The following ERG variants were observed in gnomAD, a reference collection of about 807,000 sequenced individuals.
ERG encodes the protein ETS transcription factor ERG, also known as transcriptional regulator ERG.
ERG carries 9 observed loss-of-function variants against 55.3 expected under a neutral mutation model. That is an observed-to-expected ratio of 0.16 (90% CI 0.10 to 0.28). ERG has a LOEUF of 0.28. ERG is among the 10% of genes least tolerant of loss of function. ERG has a pLI of 1.00. For synonymous variants in ERG, 223 were observed against 237.3 expected, an observed-to-expected ratio of 0.94 and a Z score of 0.55; for missense variants, 434 against 631.6, an observed-to-expected ratio of 0.69 and a Z score of 3.35.
intron 2 of ERG, among the ~76,000 whole-genome samples, chr21:38,521,253 C>G (rs1639043992): frequency 6.6e-6 from 1 of 152,172 alleles, no homozygotes; most frequent in Admixed American, 6.6e-5. Flanking sequence ...AGTGCGGCTA[C>G]TACACACGGA....
At chr21:38,451,511 G>A (rs1271857774) in intron 1 of ERG, among the ~76,000 whole-genome samples, 1 of 152,172 alleles carries the variant, frequency 6.6e-6, no homozygotes, top group African/African-American at 2.4e-5. Flanking sequence ...ATATGCTGGA[G>A]CCTATGCCAC....
intron 1 of ERG, among the ~76,000 whole-genome samples, chr21:38,472,430 G>A (rs978427657): frequency 5.9e-5 from 9 of 152,030 alleles, no homozygotes; most frequent in African/African-American, 2.2e-4. Flanking sequence ...CATAGTATAC[G>A]GGACATATTT....
At chr21:38,543,493 A>G (rs960771356) in intron 2 of ERG, among the ~76,000 whole-genome samples, 1 of 152,116 alleles carries the variant, frequency 6.6e-6, no homozygotes, top group African/African-American at 2.4e-5. Flanking sequence ...CAATGGGCAT[A>G]TATGACTTTT....
At chr21:38,513,077 G>A (rs1268922843) in intron 2 of ERG, among the ~76,000 whole-genome samples, 2 of 151,646 alleles carry the variant, frequency 1.3e-5, no homozygotes, top group Non-Finnish European at 2.9e-5. Flanking sequence ...GGTGCCGTGA[G>A]CCAAGATCAT....
rs910771516 is a variant in ERG, at chr21:38,493,572, T to C, written c.18+4791A>G. The stretch of plus-strand genomic sequence containing the variant: ...AAAGAACAAGATGTATTTTTTGTAA[T>C]TCAGGAGTAAAGAGGAGAGTGGGGT... On this transcript the variant is annotated intron_variant, in intron 1 of 9. Coordinates refer to ENST00000288319, the MANE Select transcript of ERG (RefSeq NM_182918.4). 3.3e-5 allele frequency among the ~76,000 whole-genome samples: 5 copies of C among 152,230 alleles called. No individual in the cohort carries two copies. The East Asian group carries it at 7.7e-4, about 23-fold the overall frequency.
At chr21:38,653,093 T>C (rs1490868042) in intron 1 of ERG, among the ~76,000 whole-genome samples, 2 of 152,324 alleles carry the variant, frequency 1.3e-5, no homozygotes, top group East Asian at 3.9e-4. Flanking sequence ...CCCTCCTTTC[T>C]AGACTCTGTG....
At chr21:38,581,224 G>A (rs986683415) in intron 1 of ERG, among the ~76,000 whole-genome samples, 2 of 152,224 alleles carry the variant, frequency 1.3e-5, no homozygotes, top group Non-Finnish European at 2.9e-5. Flanking sequence ...AGGACGCTGG[G>A]CTGGGGGCAG....
intron 2 of ERG, among the ~76,000 whole-genome samples, chr21:38,525,378 T>A (rs924639300): frequency 6.6e-6 from 1 of 152,208 alleles, no homozygotes; most frequent in Admixed American, 6.5e-5. Context: ...TAACAGACGA[T>A]GCCTTCCACA....
At chr21:38,392,580 C>A (rs1988025914) in intron 6 of ERG, 136 bp from the exon 7 acceptor site, 3 of 592,478 alleles carry the variant, frequency 5.1e-6, no homozygotes, top group South Asian at 2.7e-5. Context: ...AAATATCCCA[C>A]TAGATTTGAG....
rs571657361 is a variant in ERG, at chr21:38,591,719, C to CA, written c.-149-6775dup. Among the ~76,000 whole-genome samples, 217 of 152,030 alleles carry CA rather than the reference C, an allele frequency of 1.4e-3. 2 individuals carry two copies. The South Asian group carries it at 0.027, about 19-fold the overall frequency. ...AAACCAACCAACAAACAAACAAAACCAAAAAAACAATGAAAACAAAAATGA... is the reference window on the plus strand; with the variant it reads ...AAACCAACCAACAAACAAACAAAACCAAAAAAAACAATGAAAACAAAAATGA... On this transcript the variant is annotated intron_variant, in intron 1 of 10. Transcript: ENST00000398910.
intron 1 of ERG, among the ~76,000 whole-genome samples, chr21:38,615,087 GA>G (rs2060250677): frequency 6.6e-6 from 1 of 152,192 alleles, no homozygotes; most frequent in South Asian, 2.1e-4. Context: ...ATCTTATTAT[GA>G]AAAGGCCAGT....
At chr21:38,547,521 A>G (rs1601223719) in intron 2 of ERG, among the ~76,000 whole-genome samples, 2 of 152,178 alleles carry the variant, frequency 1.3e-5, no homozygotes, top group African/African-American at 4.8e-5. Flanking sequence ...TAAAGCAAGG[A>G]AAGGAAAAGA....
chr21:38,606,722 AT>A (rs1263032221), intron 1 of ERG, among the ~76,000 whole-genome samples: 1 of 152,200 alleles, frequency 6.6e-6, no homozygotes, highest in Non-Finnish European at 1.5e-5. Context: ...AGAAATAAAA[AT>A]TTAATAGACT....
intron 6 of ERG, among the ~76,000 whole-genome samples, chr21:38,399,419 C>T (rs960704019): frequency 6.6e-6 from 1 of 152,184 alleles, no homozygotes; most frequent in Non-Finnish European, 1.5e-5. Context: ...AGATCTTGAA[C>T]CAGTTCGAAC....
At chr21:38,635,643 T>C (rs1369615434) in intron 1 of ERG, among the ~76,000 whole-genome samples, 2 of 152,222 alleles carry the variant, frequency 1.3e-5, no homozygotes, top group East Asian at 3.8e-4. Flanking sequence ...GTGATATTTT[T>C]AAAGCACAAT....
At position 38,554,927 on chromosome 21, in the gene ERG, C is replaced by A. The variant is rs571498654; in HGVS notation, c.-41+20735G>T. Among the ~76,000 whole-genome samples the A allele has an allele frequency of 4.6e-4, 69 of 150,820 alleles. 1 individual carries two copies. In the South Asian group the frequency reaches 0.015, roughly 32 times the overall value. On this transcript the variant is annotated intron_variant, in intron 2 of 8. Coordinates refer to the ERG transcript ENST00000398897. Reference sequence around the variant, plus strand: ...TAATTAAAAATTAAACCATAAAACACAGAAAGAAAATACAGATGAATAGTT... The same window carrying A: ...TAATTAAAAATTAAACCATAAAACAAAGAAAGAAAATACAGATGAATAGTT...
chr21:38,419,138 G>T (rs573641907), intron 3 of ERG, among the ~76,000 whole-genome samples: 5 of 152,168 alleles, frequency 3.3e-5, no homozygotes, highest in Admixed American at 3.3e-4. Context: ...GATCCTCCTA[G>T]ATTTACAGAT....
At chr21:38,603,580 C>A (rs547516703) in intron 1 of ERG, among the ~76,000 whole-genome samples, 1 of 151,752 alleles carries the variant, frequency 6.6e-6, no homozygotes, top group South Asian at 2.1e-4. Flanking sequence ...TGGGGCCCAT[C>A]ATTGGAAATG....
At chr21:38,411,348 C>T (rs1050810916) in intron 3 of ERG, among the ~76,000 whole-genome samples, 2 of 152,122 alleles carry the variant, frequency 1.3e-5, no homozygotes, top group Non-Finnish European at 2.9e-5. Flanking sequence ...GATAGTGTCT[C>T]GCTCTGTCAC....
Sources: allele counts gnomAD v4.1 joint callset (sites outside exome capture counted in the v4.1 genomes callset), GRCh38; gene constraint gnomAD v4.1.1; transcripts MANE v1.5; gene names NCBI Gene and HGNC (gene_info 2026-07-23, HGNC 2026-07-21).